Variants in NRG1 observed in about 807,000 individuals in gnomAD.
NRG1 encodes the protein pro-neuregulin-1, membrane-bound isoform.
A neutral mutation model predicts 63.8 loss-of-function variants in NRG1; 18 were observed. The observed-to-expected ratio is 0.28, with a 90% CI of 0.19 to 0.42. The LOEUF is 0.42. NRG1 is among the 10% of genes least tolerant of loss of function. The probability of loss-of-function intolerance (pLI) is 1.00; values close to 1 mark genes in which losing one functional copy is unlikely to be tolerated. For missense variants in NRG1, 762 were observed against 814.7 expected, an observed-to-expected ratio of 0.94 and a Z score of 0.79; for synonymous variants, 302 against 301.3, an observed-to-expected ratio of 1.00 and a Z score of -0.02.
At chr8:32,071,825 A>T (rs967904019) in intron 1 of NRG1, among the ~76,000 whole-genome samples, 3 of 152,152 alleles carry the variant, frequency 2.0e-5, no homozygotes, top group Admixed American at 6.6e-5. Context: ...TATGTATTTA[A>T]ACTCTCTGAT....
chr8:32,763,308 T>C, intron 11 of NRG1: 1 of 1,614,082 alleles, frequency 6.2e-7, no homozygotes. Context: ...TTAGATCTTC[T>C]TCCATTCCCC....
intron 1 of NRG1, among the ~76,000 whole-genome samples, chr8:31,987,257 G>A (rs540686478): frequency 1.4e-4 from 21 of 146,172 alleles, no homozygotes; most frequent in Non-Finnish European, 2.4e-4. Context: ...GTGAGATCAC[G>A]CCACTGCACT....
intron 1 of NRG1, among the ~76,000 whole-genome samples, chr8:31,921,698 G>A (rs1454063885): frequency 6.6e-6 from 1 of 152,132 alleles, no homozygotes; most frequent in Non-Finnish European, 1.5e-5. Context: ...CATTTTGCAT[G>A]CTGTGGAAAC....
intron 1 of NRG1, among the ~76,000 whole-genome samples, chr8:32,304,157 A>C (rs1445637590): frequency 1.3e-5 from 2 of 152,238 alleles, no homozygotes; most frequent in Non-Finnish European, 2.9e-5. Flanking sequence ...ATAGTACTGA[A>C]GTTTTCATGA....
intron 1 of NRG1, among the ~76,000 whole-genome samples, chr8:31,851,083 A>G (rs1351144225): frequency 2.0e-5 from 3 of 152,244 alleles, no homozygotes; most frequent in Non-Finnish European, 4.4e-5. Context: ...AGTCAGTCTC[A>G]TAAAGAGATA....
In NRG1 at chr8:32,721,962, A is replaced by C. The variant is rs760667227; in HGVS notation, c.503-5987A>C. ...GAGCTATATTCAGAGCAAGAATAAT[A>C]ATTTCAGATTTTTTAACTGGACTTC... On this transcript the variant is annotated intron_variant, in intron 5 of 11. Transcript: ENST00000356819. The C allele has an allele frequency of 4.5e-6, 7 of 1,544,150 alleles. No homozygotes were observed. The South Asian group carries it at 8.5e-5, about 19-fold the overall frequency.
chr8:32,548,157 G>A (rs1014604564), upstream of NRG1: 3 of 934,574 alleles, frequency 3.2e-6, no homozygotes, highest in South Asian at 9.8e-5. Context: ...GGCTCCTCCC[G>A]GTGGCGTGTC....
intron 1 of NRG1, among the ~76,000 whole-genome samples, chr8:32,533,962 G>T (rs1831707152): frequency 1.3e-5 from 2 of 151,978 alleles, no homozygotes; most frequent in African/African-American, 4.8e-5. Context: ...AATTATTTTT[G>T]TATTCTAGAC....
At chr8:32,587,059 C>G (rs930321790) in intron 1 of NRG1, among the ~76,000 whole-genome samples, 1 of 151,972 alleles carries the variant, frequency 6.6e-6, no homozygotes, top group Non-Finnish European at 1.5e-5. Flanking sequence ...AACAAAAAGC[C>G]CAGCGTGGTG....
At chr8:32,418,848 A>G (rs1445989656) in intron 1 of NRG1, among the ~76,000 whole-genome samples, 2 of 152,220 alleles carry the variant, frequency 1.3e-5, no homozygotes, top group African/African-American at 2.4e-5. Flanking sequence ...AGATGTTTTT[A>G]TACTACCTAT....
At chr8:31,871,549 C>T (rs912750922) in intron 1 of NRG1, among the ~76,000 whole-genome samples, 2 of 151,942 alleles carry the variant, frequency 1.3e-5, no homozygotes, top group Admixed American at 6.6e-5. Flanking sequence ...TGTGGGTAAG[C>T]GGGGTGTCCA....
At chr8:32,236,896 C>G (rs1847618145) in intron 1 of NRG1, among the ~76,000 whole-genome samples, 1 of 152,132 alleles carries the variant, frequency 6.6e-6, no homozygotes, top group Admixed American at 6.6e-5. Context: ...GCTCCAACTG[C>G]TGTTTTTCAT....
chr8:32,281,173 G>A (rs935628048), intron 1 of NRG1, among the ~76,000 whole-genome samples: 2 of 67,574 alleles, frequency 3.0e-5, no homozygotes, highest in African/African-American at 1.4e-4. Flanking sequence ...GTACCCAATA[G>A]GTAGTTTTTC....
At chr8:32,158,632 A>G (rs1256770780) in intron 1 of NRG1, among the ~76,000 whole-genome samples, 1 of 151,390 alleles carries the variant, frequency 6.6e-6, no homozygotes, top group Admixed American at 6.6e-5. Flanking sequence ...ACCACCACAA[A>G]CACATACATA....
intron 6 of NRG1, among the ~76,000 whole-genome samples, chr8:32,729,573 TC>T (rs1823116086): frequency 6.6e-6 from 1 of 152,110 alleles, no homozygotes; most frequent in Admixed American, 6.5e-5. Context: ...GAAGAACAAG[TC>T]TGTTAGAGAG....
chr8:32,742,806 T>A lies in NRG1; in HGVS notation c.691+73T>A. On this transcript the variant is annotated intron_variant, in intron 7 of 11. Transcript: ENST00000356819. This position sits in a 1 kb window ranked among gnomAD's most constrained non-coding sequence, Gnocchi z 4.2. ...TTGGTGCTGCTTTCTTGTTGCTGCA[T>A]CTCCCCTCAGATTCCACCTAGAGCT... 6.2e-7 allele frequency: 1 copy of A among 1,612,922 alleles called. No homozygotes were observed. Among genetic ancestry groups the A allele is most frequent in the Non-Finnish European group, 8.5e-7 (1 of 1,179,192 alleles).
intron 1 of NRG1, among the ~76,000 whole-genome samples, chr8:31,857,332 C>T (rs140110813): frequency 5.2e-4 from 79 of 152,340 alleles, no homozygotes; most frequent in East Asian, 1.4e-3. Flanking sequence ...TTTTTTAAGC[C>T]GGTTGGAAAA....
intron 1 of NRG1, among the ~76,000 whole-genome samples, chr8:31,795,586 G>A (rs1821125353): frequency 6.6e-6 from 1 of 152,072 alleles, no homozygotes; most frequent in African/African-American, 2.4e-5. Context: ...TTTAAAAACT[G>A]GCTTTGGTTA....
At chr8:32,000,660 G>A (rs890401040) in intron 1 of NRG1, among the ~76,000 whole-genome samples, 1 of 151,914 alleles carries the variant, frequency 6.6e-6, no homozygotes, top group African/African-American at 2.4e-5. Flanking sequence ...AAAAGCAAAA[G>A]TCTCCTTTCC....
Sources: gnomAD v4.1 joint callset for allele counts (sites outside exome capture counted in the v4.1 genomes callset) on GRCh38, gnomAD v4.1.1 for gene constraint, Gnocchi (gnomAD v3.1) non-coding constraint, MANE v1.5 for transcripts, NCBI Gene and HGNC (gene_info 2026-07-23, HGNC 2026-07-21) for gene names.